The following LEMD1 variants were observed in gnomAD, a reference collection of about 807,000 sequenced individuals.
LEMD1 encodes the protein LEM domain-containing protein 1.
A neutral mutation model predicts 17.4 loss-of-function variants in LEMD1; 18 were observed. The ratio of observed to expected loss-of-function variants is 1.04; its 90% CI spans 0.72 to 1.54. The LOEUF (loss-of-function observed/expected upper bound fraction) is 1.54, where lower values mean the gene tolerates loss of function less well. Ranked by LOEUF, LEMD1 falls within the 40% of genes most tolerant of loss-of-function variation. The pLI, the probability that LEMD1 is intolerant of heterozygous loss-of-function variation, is 0.00. For synonymous variants in LEMD1, 88 were observed against 77.8 expected (o/e 1.13, Z -0.69); for missense variants, 195 against 210.4 (o/e 0.93, Z 0.45).
At chr1:205,404,272 T>G (rs1664988084) in intron 4 of LEMD1, among the ~76,000 whole-genome samples, 1 of 152,142 alleles carries the variant, frequency 6.6e-6, no homozygotes. Context: ...ACTTTCTGTC[T>G]CGTTGATCTG....
At chr1:205,427,797 G>A (rs1666076957) in intron 1 of LEMD1, among the ~76,000 whole-genome samples, 1 of 152,118 alleles carries the variant, frequency 6.6e-6, no homozygotes, top group African/African-American at 2.4e-5. Flanking sequence ...AGGCTGAGAT[G>A]GAAACTCTCA....
chr1:205,388,014 T>C (rs1002920458), intron 4 of LEMD1, among the ~76,000 whole-genome samples: 1 of 152,212 alleles, frequency 6.6e-6, no homozygotes, highest in Admixed American at 6.5e-5. Context: ...CCCTGAGGCA[T>C]GGAGCGTTTA....
intron 1 of LEMD1, among the ~76,000 whole-genome samples, chr1:205,433,852 A>G (rs1020347135): frequency 1.3e-5 from 2 of 151,438 alleles, no homozygotes; most frequent in Admixed American, 1.3e-4. Flanking sequence ...CCTGTGTGAT[A>G]CTTGAGTCTC....
chr1:205,431,494 G>C (rs1666124708), intron 1 of LEMD1, among the ~76,000 whole-genome samples: 1 of 152,186 alleles, frequency 6.6e-6, no homozygotes, highest in Non-Finnish European at 1.5e-5. Context: ...CAGAAGTCTA[G>C]GGAGATTGAG....
intron 4 of LEMD1, chr1:205,386,077 G>C (rs1663996962): frequency 6.5e-6 from 1 of 152,744 alleles, no homozygotes; most frequent in Admixed American, 6.5e-5. Context: ...GGAGAAAGAA[G>C]AGCCTGGGTC....
chr1:205,415,311 A>C (rs1574987517), intron 4 of LEMD1, among the ~76,000 whole-genome samples: 2 of 152,180 alleles, frequency 1.3e-5, no homozygotes, highest in African/African-American at 4.8e-5. Context: ...CCCAGTAGGC[A>C]GTTGGATATG....
intron 1 of LEMD1, chr1:205,436,736 A>G (rs1423506961): frequency 6.6e-6 from 1 of 152,150 alleles, no homozygotes; most frequent in Non-Finnish European, 1.5e-5. Context: ...CATAGCAGCC[A>G]CCTTCAGGAG....
intron 1 of LEMD1, among the ~76,000 whole-genome samples, chr1:205,430,874 A>T (rs536459774): frequency 5.0e-4 from 76 of 152,362 alleles, no homozygotes; most frequent in African/African-American, 1.7e-3. Flanking sequence ...AACTATTTTG[A>T]CAGTTCAGAT....
intron 4 of LEMD1, among the ~76,000 whole-genome samples, chr1:205,402,128 G>A (rs963596633): frequency 1.9e-3 from 284 of 152,156 alleles, no homozygotes; most frequent in African/African-American, 6.4e-3. Context: ...GTTTGAAGTC[G>A]GGTAGCGTGA....
At chr1:205,394,295 A>C (rs1158891327) in intron 4 of LEMD1, among the ~76,000 whole-genome samples, 1 of 152,152 alleles carries the variant, frequency 6.6e-6, no homozygotes, top group Non-Finnish European at 1.5e-5. Flanking sequence ...TGGAACTAAA[A>C]TAGAGGTGGT....
At chr1:205,420,036 C>G (rs1001922812) in intron 2 of LEMD1, among the ~76,000 whole-genome samples, 5 of 152,096 alleles carry the variant, frequency 3.3e-5, no homozygotes. Context: ...CCAATCCATG[C>G]GCTGGGTGTG....
At chr1:205,424,826 G>A (rs1428927932), upstream of LEMD1, among the ~76,000 whole-genome samples, 5 of 152,194 alleles carry the variant, frequency 3.3e-5, no homozygotes, top group African/African-American at 7.2e-5. Flanking sequence ...CTGGGCACAC[G>A]TAGAGGTTTA....
chr1:205,441,220 C>A lies in LEMD1; in HGVS notation c.-39+8648G>T, dbSNP rs1047134364. 1.3e-5 allele frequency among the ~76,000 whole-genome samples: 2 copies of A among 152,146 alleles called. No homozygotes were observed. Among genetic ancestry groups the A allele is most frequent in the Non-Finnish European group, 2.9e-5 (2 of 68,018 alleles). On this transcript the variant is annotated intron_variant, in intron 1 of 3. Coordinates refer to the LEMD1 transcript ENST00000367154. This position sits in a 1 kb window ranked among gnomAD's most constrained non-coding sequence, Gnocchi z 4.3. ...CTCTCACACCGGCTGGGGGAGGAGT[C>A]AAGCCTCTAAACAACAGCTCTTTGA...
Position 205,411,043 on chromosome 1 carries a change from AG to A in LEMD1, c.270+5188del, listed in dbSNP as rs547055004. On this transcript the variant is annotated intron_variant, in intron 4 of 5. Coordinates refer to ENST00000367153, the MANE Select transcript of LEMD1 (RefSeq NM_001199050.2). Reference sequence around the variant, plus strand: ...AGGAAGGAAGGAAGGGAAAGAAGGAAGGAAGGCAGGAAGGGAGAGAGGGAAA... The same window carrying A: ...AGGAAGGAAGGAAGGGAAAGAAGGAAGAAGGCAGGAAGGGAGAGAGGGAAA... 3.3e-4 allele frequency among the ~76,000 whole-genome samples: 49 copies of A among 149,778 alleles called. No homozygotes were observed. The East Asian group carries it at 9.1e-3, about 28-fold the overall frequency.
chr1:205,382,834 CT>C (rs1663787336), intron 5 of LEMD1, among the ~76,000 whole-genome samples: 1 of 152,150 alleles, frequency 6.6e-6, no homozygotes, highest in Admixed American at 6.5e-5. Flanking sequence ...CCTTTGCAAT[CT>C]GCTTATTTTG....
intron 4 of LEMD1, among the ~76,000 whole-genome samples, chr1:205,388,636 T>A (rs1360112786): frequency 6.6e-6 from 1 of 152,256 alleles, no homozygotes; most frequent in East Asian, 1.9e-4. Flanking sequence ...ACCCAGATAT[T>A]CTGGCTCCAA....
intron 4 of LEMD1, among the ~76,000 whole-genome samples, chr1:205,406,861 C>G (rs1665139738): frequency 6.6e-6 from 1 of 152,168 alleles, no homozygotes; most frequent in Non-Finnish European, 1.5e-5. Flanking sequence ...CTCCTCCCCC[C>G]AATATTTTTG....
chr1:205,395,594 C>CAAAAAAAA (rs11365761), intron 4 of LEMD1, among the ~76,000 whole-genome samples: 1 of 129,232 alleles, frequency 7.7e-6, no homozygotes, highest in African/African-American at 2.8e-5. Context: ...AATTCTGTCT[C>CAAAAAAAA]AAAAAAAAAA....
intron 3 of LEMD1, among the ~76,000 whole-genome samples, chr1:205,417,108 A>G (rs969783683): frequency 1.3e-5 from 2 of 152,206 alleles, no homozygotes; most frequent in African/African-American, 2.4e-5. Flanking sequence ...AGTGGCTATG[A>G]GACTTTTCCA....
Sources: gnomAD v4.1 joint callset for allele counts (sites outside exome capture counted in the v4.1 genomes callset) on GRCh38, gnomAD v4.1.1 for gene constraint, Gnocchi (gnomAD v3.1) non-coding constraint, MANE v1.5 for transcripts, NCBI Gene and HGNC (gene_info 2026-07-23, HGNC 2026-07-21) for gene names.